DNASE1L1: variants seen among roughly 807,000 people sequenced by gnomAD.
DNASE1L1 encodes the protein deoxyribonuclease 1 like 1, also known as deoxyribonuclease-1-like 1.
A neutral mutation model predicts 18.6 loss-of-function variants in DNASE1L1; 8 were observed. That is an observed-to-expected ratio of 0.43 (90% CI 0.25 to 0.78). DNASE1L1 has a LOEUF of 0.78. DNASE1L1 is among the 30% of genes least tolerant of loss of function. DNASE1L1 has a pLI of 0.23. For missense variants in DNASE1L1, 214 were observed against 258.2 expected (o/e 0.83, Z 1.17); for synonymous variants, 114 against 114.2 (o/e 1.00, Z 0.01).
Position 154,405,610 on chromosome X carries a change from GC to G in DNASE1L1, c.-43del. On this transcript the variant is annotated 5_prime_UTR_variant, in exon 2 of 8. Coordinates refer to ENST00000369807, the MANE Select transcript of DNASE1L1 (RefSeq NM_001303620.2). Reference sequence around the variant, plus strand: ...CGGGGACACCCCAGGAATCCAGGCTGCCCCAGGGTGCGCTCTCACTGGGCTC... The same window carrying G: ...CGGGGACACCCCAGGAATCCAGGCTGCCCAGGGTGCGCTCTCACTGGGCTC... The G allele has an allele frequency of 9.2e-7, 1 of 1,090,552 alleles. No individual in the cohort carries two copies. The highest frequency in any genetic ancestry group is 1.8e-5 in the African/African-American group (1 of 54,375). The allele number at this position is 1,090,552 out of a possible 1,213,427, so 89.9% of individuals were successfully genotyped here.
chrX:154,411,668 G>A (rs1433366824), upstream of DNASE1L1: 12 of 503,819 alleles, frequency 2.4e-5, no homozygotes, highest in Middle Eastern at 1.0e-3. Context: ...GCCGGGCGCT[G>A]CTCCGGCCTG....
chrX:154,402,763 G>A lies in DNASE1L1; in HGVS notation c.853C>T (p.Leu285Phe). The change falls in exon 8 of 8, where the codon CTC (leucine) becomes TTC (phenylalanine). Residue 285 changes from leucine to phenylalanine, a missense_variant. By Grantham distance (22) the Leu-to-Phe change is conservative (BLOSUM62 0). Coordinates refer to ENST00000369807, the MANE Select transcript of DNASE1L1 (RefSeq NM_001303620.2). ...SQAHSVQPLSLTVLLLLSLLS... is the reference protein window; with the variant it reads ...SQAHSVQPLSFTVLLLLSLLS... ...AGTGATAGCAGCAACAGAACAGTGA[G>A]GCTGAGAGGCTGGACGCTGTGCGCC... is the stretch of plus-strand genomic sequence containing the variant. 1 of 1,211,591 alleles carries A rather than the reference G, an allele frequency of 8.3e-7. No individual in the cohort carries two copies. The highest frequency in any genetic ancestry group is 1.8e-5 in the South Asian group (1 of 56,952).
upstream of DNASE1L1, among the ~76,000 whole-genome samples, chrX:154,411,217 G>C (rs1557190183): frequency 9.0e-6 from 1 of 110,625 alleles, no homozygotes; most frequent in Non-Finnish European, 1.9e-5. Flanking sequence ...GCCGAGGCGG[G>C]TGGATCAGAG....
At position 154,402,563 on chromosome X, in the gene DNASE1L1, G is replaced by T; in HGVS notation, c.*144C>A. 1.5e-6 allele frequency: 1 copy of T among 647,964 alleles called. No individual in the cohort carries two copies. The allele number at this position is 647,964 out of a possible 1,213,427, so 53.4% of individuals were successfully genotyped here. On this transcript the variant is annotated 3_prime_UTR_variant, in exon 8 of 8. Transcript: ENST00000369807. ...GCACAAGCCCAACCAAAGAACAAGA[G>T]CCAAATCAAACAAGGCAGGCAGGGG...
chrX:154,406,983 T>C (rs1036081474), intron 1 of DNASE1L1, among the ~76,000 whole-genome samples: 1 of 111,493 alleles, frequency 9.0e-6, no homozygotes, highest in Admixed American at 9.6e-5. Context: ...GGAAGTGTCA[T>C]ATTGGTCTCC....
intron 1 of DNASE1L1, among the ~76,000 whole-genome samples, chrX:154,407,199 A>G (rs1230147303): frequency 5.8e-5 from 5 of 85,875 alleles, no homozygotes; most frequent in Admixed American, 1.5e-4. Flanking sequence ...TTCCTACCTC[A>G]GCCTCCCAAA....
intron 1 of DNASE1L1, among the ~76,000 whole-genome samples, chrX:154,407,699 G>C (rs1229410336): frequency 1.1e-5 from 1 of 93,800 alleles, no homozygotes; most frequent in Non-Finnish European, 2.1e-5. Flanking sequence ...GGGTTCAAGT[G>C]ATTCTCCTGC....
At chrX:154,411,684 C>T (rs1189221933), upstream of DNASE1L1, 5 of 529,510 alleles carry the variant, frequency 9.4e-6, no homozygotes, top group South Asian at 1.2e-4. Context: ...GCCTGACCTG[C>T]GAAGGGACCT....
rs2148152262 is a variant in DNASE1L1, at chrX:154,403,560, C to T, written c.374G>A (p.Arg125Gln). 2.5e-6 allele frequency: 3 copies of T among 1,211,846 alleles called. No homozygotes were observed. Among genetic ancestry groups the T allele is most frequent in the Non-Finnish European group, 3.4e-6 (3 of 895,441 alleles). Residue 125 changes from arginine to glutamine, a missense_variant, in exon 5 of 8, where the codon CGG becomes CAG. Coordinates refer to ENST00000369807, the MANE Select transcript of DNASE1L1 (RefSeq NM_001303620.2). ...AGAGAACTGGGCCACAAATGGCTCC[C>T]GGGCAAAGACGTCATCCTCATCGTT... ...VYNDEDDVFA[R>Q]EPFVAQFSLP...
upstream of DNASE1L1, chrX:154,411,615 G>T: frequency 2.2e-6 from 1 of 457,338 alleles, no homozygotes; most frequent in Non-Finnish European, 3.9e-6. Context: ...CGCGCCCACG[G>T]CCTGTGACCC....
At chrX:154,409,886 T>C (rs1471253483), upstream of DNASE1L1, 1 of 112,049 alleles carries the variant, frequency 8.9e-6, no homozygotes, top group Non-Finnish European at 1.9e-5. Flanking sequence ...CAGCTTCTCA[T>C]GGGATGGCTG....
At chrX:154,407,378 C>T (rs1557188741) in intron 1 of DNASE1L1, among the ~76,000 whole-genome samples, 1 of 103,972 alleles carries the variant, frequency 9.6e-6, no homozygotes, top group Admixed American at 1.1e-4. Context: ...GCTGGGATTA[C>T]AGGCACCCAC....
upstream of DNASE1L1, among the ~76,000 whole-genome samples, chrX:154,410,662 G>C (rs1557189930): frequency 9.1e-6 from 1 of 109,530 alleles, no homozygotes; most frequent in Non-Finnish European, 1.9e-5. Flanking sequence ...CTGAGCTCAG[G>C]AGTTCGAGAC....
rs1050094 is a variant in DNASE1L1 at position 154,405,612 on chromosome X, C to T, written c.-44G>A. ...GGGACACCCCAGGAATCCAGGCTGC[C>T]CCAGGGTGCGCTCTCACTGGGCTCA... On this transcript the variant is annotated 5_prime_UTR_variant, in exon 2 of 8. Transcript: ENST00000369807. The T allele has an allele frequency of 0.12, 131,025 of 1,088,468 alleles. 5,719 individuals are homozygous for T. Among genetic ancestry groups the T allele is most frequent in the South Asian group, 0.18 (7,292 of 41,043 alleles). 89.7% of individuals were successfully genotyped at this position (1,088,468 alleles called of 1,213,427 possible). A position where few individuals can be genotyped will look rare whatever the true frequency, so the allele number is the denominator to read the frequency against.
Position 154,402,743 on chromosome X carries a change from T to C in DNASE1L1, c.873A>G (p.Leu291=). ...GGCACAGCTGAGGGGACAGGAGTGA[T>C]AGCAGCAACAGAACAGTGAGGCTGA... ...QPLSLTVLLL[L]SLLSPQLCPA... Residue 291 remains leucine, a synonymous_variant, in exon 8 of 8, where the codon CTA becomes CTG. Transcript: ENST00000369807. 1 of 1,211,224 alleles carries C rather than the reference T, an allele frequency of 8.3e-7. No homozygotes were observed. Among genetic ancestry groups the C allele is most frequent in the Non-Finnish European group, 1.1e-6 (1 of 895,224 alleles).
intron 1 of DNASE1L1, among the ~76,000 whole-genome samples, chrX:154,407,773 T>C (rs2068189983): frequency 2.3e-5 from 2 of 87,615 alleles, no homozygotes; most frequent in Admixed American, 2.5e-4. Flanking sequence ...CCCCCTTTTT[T>C]TTTTTTTTTT....
At position 154,401,500 on chromosome X, in the gene DNASE1L1, C is replaced by T. The variant is rs1040891986; in HGVS notation, c.*1207G>A. 1.6e-5 allele frequency: 2 copies of T among 122,412 alleles called. No individual in the cohort carries two copies. The highest frequency in any genetic ancestry group is 3.4e-5 in the Non-Finnish European group (2 of 58,932). The allele number at this position is 122,412 out of a possible 1,213,427, so 10.1% of individuals were successfully genotyped here. On this transcript the variant is annotated 3_prime_UTR_variant, in exon 8 of 8. Transcript: ENST00000369807. ...TAACCTTTGGTCATTTGTAACAAGACCTCGGAACAGACACGTGTGTGGCAT... is the reference window on the plus strand; with the variant it reads ...TAACCTTTGGTCATTTGTAACAAGATCTCGGAACAGACACGTGTGTGGCAT...
At chrX:154,408,670 C>T (rs1557189058) in intron 1 of DNASE1L1, 2 of 114,350 alleles carry the variant, frequency 1.7e-5, no homozygotes, top group African/African-American at 6.5e-5. Flanking sequence ...AACCTGTCAC[C>T]TTCCCTTCGG....
At chrX:154,402,887 C>G in intron 7 of DNASE1L1, 46 bp from the exon 8 acceptor site, 1 of 1,204,598 alleles carries the variant, frequency 8.3e-7, no homozygotes, top group East Asian at 3.0e-5. Flanking sequence ...GGCCGAGGGG[C>G]TTCCCTGTGA....
Sources: allele counts gnomAD v4.1 joint callset (sites outside exome capture counted in the v4.1 genomes callset), GRCh38; gene constraint gnomAD v4.1.1; transcripts MANE v1.5; gene names NCBI Gene and HGNC (gene_info 2026-07-23, HGNC 2026-07-21).